Variants in ARHGAP33 observed in about 807,000 individuals in gnomAD.
The protein encoded by ARHGAP33 is Rho GTPase activating protein 33.
In ARHGAP33, 57 loss-of-function variants were observed where a neutral mutation model predicts 126.2. The observed-to-expected ratio is 0.45, with a 90% CI of 0.36 to 0.56. The LOEUF is 0.56. Ranked by LOEUF, ARHGAP33 falls within the 20% of genes least tolerant of loss-of-function variation. ARHGAP33 has a pLI of 0.00. For missense variants in ARHGAP33, 1,500 were observed against 1,748.3 expected (o/e 0.86, Z 2.53); for synonymous variants, 711 against 755.0 (o/e 0.94, Z 0.95).
chr19:35,786,101 C>A lies in ARHGAP33; in HGVS notation c.1943-312C>A. ...GCCTCTGGGGGCTCTTCTGAGCCAC[C>A]GCGCCATCCTCACACTCCTGGGGTA... On this transcript the variant is annotated intron_variant, in intron 19 of 20. Coordinates refer to ENST00000007510, the MANE Select transcript of ARHGAP33 (RefSeq NM_001366178.1). The surrounding 1 kb of genome is among the most constrained non-coding windows in gnomAD (Gnocchi z 7.0). 1.6e-6 allele frequency: 2 copies of A among 1,246,608 alleles called. No individual in the cohort carries two copies. The highest frequency in any genetic ancestry group is 7.0e-5 in the East Asian group (2 of 28,666). The allele number at this position is 1,246,608 out of a possible 1,614,324, so 77.2% of individuals were successfully genotyped here. A position where few individuals can be genotyped will look rare whatever the true frequency, so the allele number is the denominator to read the frequency against.
chr19:35,784,534 G>A (rs1201691289), intron 16 of ARHGAP33: 9 of 1,311,766 alleles, frequency 6.9e-6, no homozygotes, highest in African/African-American at 1.6e-5. Context: ...CCCGGACGCC[G>A]CTCTTCCTTC....
At chr19:35,783,962 G>A (rs1971947608) in intron 15 of ARHGAP33, among the ~76,000 whole-genome samples, 2 of 151,808 alleles carry the variant, frequency 1.3e-5, no homozygotes, top group Middle Eastern at 3.4e-3. Context: ...CAAGGTGTTT[G>A]GCCAGAGCCA....
intron 16 of ARHGAP33, chr19:35,784,598 T>G (rs534615652): frequency 1.1e-5 from 15 of 1,311,462 alleles, no homozygotes; most frequent in Middle Eastern, 2.8e-4. Flanking sequence ...TGGGAGGAGG[T>G]GGGAGGTCCC....
At chr19:35,784,391 C>T in intron 16 of ARHGAP33, 74 bp downstream of exon 16, 1 of 1,464,524 alleles carries the variant, frequency 6.8e-7, no homozygotes, top group Non-Finnish European at 9.0e-7. Flanking sequence ...GGCAGGTGGG[C>T]TCCCAGTCCC....
In ARHGAP33 at chr19:35,788,166, C is replaced by G. The variant is rs762235952; in HGVS notation, c.3601C>G (p.Pro1201Ala). ...CCCCCGAAGCCGTTCAGATCCCGGT[C>G]CCCCAGTCCCCCGCCTTCCCCAGAA... ...AHPRSRSDPG[P>A]PVPRLPQKQR... Residue 1201 changes from proline to alanine, a missense_variant, in exon 21 of 21, where the codon CCC (proline) becomes GCC (alanine). Pro to Ala is a conservative substitution (Grantham distance 27, BLOSUM62 -1). Coordinates refer to ENST00000007510, the MANE Select transcript of ARHGAP33 (RefSeq NM_001366178.1). 1.9e-6 allele frequency: 3 copies of G among 1,602,194 alleles called. No individual in the cohort carries two copies. The highest frequency in any genetic ancestry group is 2.6e-6 in the Non-Finnish European group (3 of 1,173,778).
At position 35,782,612 on chromosome 19, in the gene ARHGAP33, C is replaced by T. The variant is rs1453387071; in HGVS notation, c.1246C>T (p.Pro416Ser). The T allele has an allele frequency of 6.2e-7, 1 of 1,613,834 alleles. No individual in the cohort carries two copies. The highest frequency in any genetic ancestry group is 2.2e-5 in the East Asian group (1 of 44,878). Residue 416 changes from proline to serine, a missense_variant, in exon 14 of 21, where the codon CCT (proline) becomes TCT (serine). Around this residue, in one of 6 missense-constraint regions of ARHGAP33, gnomAD observed 281 missense variants for 413.7 expected, o/e 0.68. Coordinates refer to ENST00000007510, the MANE Select transcript of ARHGAP33 (RefSeq NM_001366178.1). This position sits in a 1 kb window ranked among gnomAD's most constrained non-coding sequence, Gnocchi z 4.1. ...ACCATCTCAGGAGGCCATGTCAGTG[C>T]CTGGGGAGGAGGAGCGTCTGGTGCG... is the stretch of plus-strand genomic sequence containing the variant. ...YGKFSEAMSVPGEEERLVRVH... is the reference protein window; with the variant it reads ...YGKFSEAMSVSGEEERLVRVH...
At chr19:35,785,994 T>C (rs1030683596) in intron 19 of ARHGAP33, 45 of 1,096,538 alleles carry the variant, frequency 4.1e-5, no homozygotes, top group Middle Eastern at 4.1e-4. Flanking sequence ...TTTTTCTCCA[T>C]CGCTACCTCA....
Position 35,784,956 on chromosome 19 carries a change from G to A in ARHGAP33, c.1571G>A (p.Arg524His). Reference sequence around the variant, plus strand: ...GCCCCCTTTCCACACTCCCCAGGCCGCTGCCTGCTCCCCAGGCCCAAGTCC... The same window carrying A: ...GCCCCCTTTCCACACTCCCCAGGCCACTGCCTGCTCCCCAGGCCCAAGTCC... ...FTSAGLDPAG[R>H]CLLPRPKSLA... Residue 524 changes from arginine to histidine, a missense_variant, in exon 17 of 21, where the codon CGC becomes CAC. Around this residue, in one of 6 missense-constraint regions of ARHGAP33, gnomAD observed 300 missense variants for 291.1 expected, o/e 1.03. Transcript: ENST00000007510. 5.2e-6 allele frequency: 8 copies of A among 1,539,682 alleles called. No homozygotes were observed. Among genetic ancestry groups the A allele is most frequent in the Non-Finnish European group, 6.1e-6 (7 of 1,145,766 alleles).
rs1412709976 is a variant in ARHGAP33 at position 35,785,218 on chromosome 19, G to A, written c.1751G>A (p.Arg584Gln). The change falls in exon 18 of 21, where the codon CGG (arginine) becomes CAG (glutamine). Residue 584 changes from arginine to glutamine, a missense_variant. Physicochemically the swap from Arg to Gln is conservative, Grantham distance 43 (BLOSUM62 1). This residue lies in a region of ARHGAP33 where 300 missense variants were observed against 291.1 expected (regional missense o/e 1.03). Transcript: ENST00000007510. ...RRKGERGEKQ[R>Q]KPGGSSWKTF... The stretch of plus-strand genomic sequence containing the variant: ...AAAGGGGAGAGAGGGGAGAAGCAGC[G>A]GAAGCCAGGGGGCAGCAGCTGGAAG... The A allele has an allele frequency of 9.5e-6, 15 of 1,579,202 alleles. No individual in the cohort carries two copies. Among genetic ancestry groups the A allele is most frequent in the Admixed American group, 3.7e-5 (2 of 54,238 alleles).
At position 35,785,398 on chromosome 19, in the gene ARHGAP33, C is replaced by G; in HGVS notation, c.1868-11C>G. 2 of 1,614,202 alleles carry G rather than the reference C, an allele frequency of 1.2e-6. No homozygotes were observed. Among genetic ancestry groups the G allele is most frequent in the Non-Finnish European group, 1.7e-6 (2 of 1,180,036 alleles). On this transcript the variant is annotated splice_polypyrimidine_tract_variant and intron_variant, in intron 18 of 20. Coordinates refer to ENST00000007510, the MANE Select transcript of ARHGAP33 (RefSeq NM_001366178.1). Reference sequence around the variant, plus strand: ...CGCTGGAGTGCCCTCCTACCTCTCCCTCTCCTGCAGGCAGCAGACCCGACA... The same window carrying G: ...CGCTGGAGTGCCCTCCTACCTCTCCGTCTCCTGCAGGCAGCAGACCCGACA...
Position 35,787,750 on chromosome 19 carries a change from C to T in ARHGAP33, c.3185C>T (p.Pro1062Leu). The change falls in exon 21 of 21, where the codon CCC (proline) becomes CTC (leucine). Residue 1062 changes from proline to leucine, a missense_variant. Physicochemically the swap from Pro to Leu is moderately conservative, Grantham distance 98. This residue lies in a region of ARHGAP33 where 642 missense variants were observed against 634.0 expected (regional missense o/e 1.01). Coordinates refer to ENST00000007510, the MANE Select transcript of ARHGAP33 (RefSeq NM_001366178.1). ...LYPLGPPSFQPSSPAPVWRSS... is the reference protein window; with the variant it reads ...LYPLGPPSFQLSSPAPVWRSS... The stretch of plus-strand genomic sequence containing the variant: ...CCCCTGGGCCCCCCATCCTTCCAGC[C>T]CAGTTCCCCAGCCCCAGTCTGGAGG... The T allele has an allele frequency of 2.5e-6, 4 of 1,583,426 alleles. No homozygotes were observed. The highest frequency in any genetic ancestry group is 2.3e-5 in the South Asian group (2 of 86,450).
rs1460691236 is a variant in ARHGAP33, at chr19:35,780,447, C to T, written c.651C>T (p.Asp217=). ...FEVGDIVSVI[D]MPPTEDRSWW... ...TGGGAGACATTGTCTCGGTGATCGA[C>T]ATGCCACCCACAGAGGATCGGAGCT... Residue 217 remains aspartate (D), a synonymous_variant, in exon 8 of 21, where the codon GAC becomes GAT. Transcript: ENST00000007510. The T allele has an allele frequency of 6.3e-7, 1 of 1,598,168 alleles. No individual in the cohort carries two copies. Among genetic ancestry groups the T allele is most frequent in the African/African-American group, 1.3e-5 (1 of 74,590 alleles).
intron 5 of ARHGAP33, chr19:35,778,830 A>G (rs1261634438): frequency 6.2e-6 from 5 of 811,248 alleles, no homozygotes; most frequent in East Asian, 2.7e-5. Context: ...GAGGGTCACC[A>G]TGGTCATGCC....
chr19:35,779,918 A>T, intron 6 of ARHGAP33: 1 of 538,752 alleles, frequency 1.9e-6, no homozygotes, highest in South Asian at 1.5e-5. Flanking sequence ...GCTGTGGAGG[A>T]TGAAGGTGCA....
chr19:35,788,004 C>T lies in ARHGAP33; in HGVS notation c.3439C>T (p.Pro1147Ser). 1 of 1,594,986 alleles carries T rather than the reference C, an allele frequency of 6.3e-7. No individual in the cohort carries two copies. Among genetic ancestry groups the T allele is most frequent in the Non-Finnish European group, 8.6e-7 (1 of 1,168,842 alleles). Reference protein sequence around the residue: ...SYPPAPSCFPPDHLGYSAPQH... With the variant: ...SYPPAPSCFPSDHLGYSAPQH... ...CCCGCCAGCCCCCTCCTGCTTTCCC[C>T]CTGACCACCTTGGCTACTCAGCCCC... The change falls in exon 21 of 21, where the codon CCT (proline) becomes TCT (serine). Residue 1147 changes from proline (P) to serine (S), a missense_variant. Coordinates refer to ENST00000007510, the MANE Select transcript of ARHGAP33 (RefSeq NM_001366178.1).
rs745612698 is a variant in ARHGAP33 at position 35,782,689 on chromosome 19, G to A, written c.1313+10G>A. On this transcript the variant is annotated intron_variant, in intron 14 of 20. Coordinates refer to ENST00000007510, the MANE Select transcript of ARHGAP33 (RefSeq NM_001366178.1). The surrounding 1 kb of genome is among the most constrained non-coding windows in gnomAD (Gnocchi z 4.1). ...CCCCACCACATTACAGGTAAACCAG[G>A]AGGGGCAGGGCGGGACTTGGTGGGA... The A allele has an allele frequency of 3.7e-6, 6 of 1,612,000 alleles. No homozygotes were observed. The highest frequency in any genetic ancestry group is 2.5e-6 in the Non-Finnish European group (3 of 1,179,208).
rs760129805 is a variant in ARHGAP33, at chr19:35,780,770, C to T, written c.783C>T (p.Pro261=). The T allele has an allele frequency of 1.1e-5, 17 of 1,613,902 alleles. No individual in the cohort carries two copies. In the South Asian group the frequency reaches 1.9e-4, roughly 18 times the overall value. The part of the protein sequence containing the change: ...GPGLKADADG[P]PCGIPAPQGI... ...TTCGCCTAGCAGATGCCGATGGCCC[C>T]CCATGTGGCATCCCGGCTCCCCAGG... is the stretch of plus-strand genomic sequence containing the variant. The change falls in exon 10 of 21, where the codon CCC becomes CCT. Residue 261 remains proline, a synonymous_variant. Coordinates refer to ENST00000007510, the MANE Select transcript of ARHGAP33 (RefSeq NM_001366178.1).
Position 35,786,201 on chromosome 19 carries a change from G to A in ARHGAP33, c.1943-212G>A, listed in dbSNP as rs563099053. 1.6e-4 allele frequency: 223 copies of A among 1,403,552 alleles called. No homozygotes were observed. Among genetic ancestry groups the A allele is most frequent in the African/African-American group, 1.3e-3 (88 of 69,062 alleles). 86.9% of individuals were successfully genotyped at this position (1,403,552 alleles called of 1,614,324 possible). ...AGCTGTATGTGAATCTGTTGGTCTC[G>A]TGCTCACAGCCTGTGGGGCAGCCAC... On this transcript the variant is annotated intron_variant, in intron 19 of 20. Transcript: ENST00000007510. This position sits in a 1 kb window ranked among gnomAD's most constrained non-coding sequence, Gnocchi z 7.0.
chr19:35,787,009 C>T lies in ARHGAP33; in HGVS notation c.2539C>T (p.Pro847Ser). ...IPLLLRGAEA[P>S]LTDACQQEMC... ...CCTGCTGCTGCGAGGAGCCGAGGCC[C>T]CGCTGACTGACGCCTGCCAGCAGGA... The change falls in exon 20 of 21, where the codon CCG (proline) becomes TCG (serine). Residue 847 changes from proline to serine, a missense_variant. Transcript: ENST00000007510. The T allele has an allele frequency of 6.2e-7, 1 of 1,609,826 alleles. No homozygotes were observed.
Sources: gnomAD v4.1 joint callset for allele counts (sites outside exome capture counted in the v4.1 genomes callset) on GRCh38, gnomAD v4.1.1 for gene constraint, gnomAD v4.1.1 regional missense constraint, Gnocchi (gnomAD v3.1) non-coding constraint, MANE v1.5 for transcripts, NCBI Gene and HGNC (gene_info 2026-07-23, HGNC 2026-07-21) for gene names.